Variants in PLOD3 observed in about 807,000 individuals in gnomAD.
PLOD3 encodes the protein procollagen-lysine,2-oxoglutarate 5-dioxygenase 3, also known as multifunctional procollagen lysine hydroxylase and glycosyltransferase LH3.
In PLOD3, 73 loss-of-function variants were observed where a neutral mutation model predicts 96.9. The observed-to-expected ratio is 0.75, with a 90% CI of 0.62 to 0.92. The LOEUF is 0.92. Ranked by LOEUF, PLOD3 falls within the 40% of genes least tolerant of loss-of-function variation. The pLI is 0.00. For missense variants in PLOD3, 1,004 were observed against 1,004.3 expected (o/e 1.00, Z 0.00); for synonymous variants, 454 against 413.7 (o/e 1.10, Z -1.18).
At position 101,207,649 on chromosome 7, in the gene PLOD3, G is replaced by A. The variant is rs773815193; in HGVS notation, c.1864C>T (p.Gln622Ter). 3 of 1,613,880 alleles carry A rather than the reference G, an allele frequency of 1.9e-6. No individual in the cohort carries two copies. Among genetic ancestry groups the A allele is most frequent in the Non-Finnish European group, 2.5e-6 (3 of 1,179,948 alleles). The change falls in exon 17 of 19, where the codon CAG (glutamine) becomes TAG (stop). Residue 622 changes from glutamine (Q) to a stop codon, truncating the protein, a stop_gained. Transcript: ENST00000223127. LOFTEE classifies it high-confidence loss of function. The stretch of plus-strand genomic sequence containing the variant: ...TACGTCCGCAGCAGCTGCAGCCACT[G>A]GTCCTCGTACCCCACCTGCTTCATG... ...IHMKQVGYEDQWLQLLRTYVG... is the reference protein window; with the variant it reads ...IHMKQVGYED
rs959386810 is a variant in PLOD3, at chr7:101,209,779, G to A, written c.1683+314C>T. 7 of 292,732 alleles carry A rather than the reference G, an allele frequency of 2.4e-5. No individual in the cohort carries two copies. In the East Asian group the frequency reaches 3.9e-4, roughly 16 times the overall value. The allele number at this position is 292,732 out of a possible 1,614,324, so 18.1% of individuals were successfully genotyped here. On this transcript the variant is annotated intron_variant, in intron 15 of 18. Coordinates refer to ENST00000223127, the MANE Select transcript of PLOD3 (RefSeq NM_001084.5). Reference sequence around the variant, plus strand: ...TGGTCTTGGACTTCTGGCCTCAACCGATCCACCCACCTTGGCCTCCCAAAG... The same window carrying A: ...TGGTCTTGGACTTCTGGCCTCAACCAATCCACCCACCTTGGCCTCCCAAAG...
intron 8 of PLOD3, 92 bp downstream of exon 8, chr7:101,212,750 G>A: frequency 1.9e-6 from 3 of 1,584,866 alleles, no homozygotes; most frequent in East Asian, 4.5e-5. Context: ...GGACCCAGGA[G>A]CGATGCCCCC....
rs754548465 is a variant in PLOD3, at chr7:101,212,255, G to A, written c.1125C>T (p.Ala375=). The part of the protein sequence containing the change: ...ALSPGEARDM[A]MDLCRQDPEC... ...CCTCCCCGCAAGCACCCGCTCACAT[G>A]GCCATGTCCCTGGCCTCGCCTGGGC... The change falls in exon 10 of 19, where the codon GCC becomes GCT. Residue 375 remains alanine (A), a splice_region_variant and synonymous_variant. Coordinates refer to ENST00000223127, the MANE Select transcript of PLOD3 (RefSeq NM_001084.5). The A allele has an allele frequency of 6.2e-7, 1 of 1,612,712 alleles. No homozygotes were observed.
At chr7:101,209,953 C>T (rs369015913) in intron 15 of PLOD3, 140 bp downstream of exon 15, 41 of 605,488 alleles carry the variant, frequency 6.8e-5, no homozygotes, top group South Asian at 3.8e-4. Flanking sequence ...TTCTGTTCGG[C>T]CTCTGCCTTC....
In PLOD3 at chr7:101,212,337, G is replaced by C. The variant is rs780555355; in HGVS notation, c.1043C>G (p.Pro348Arg). ...AGCTGAGAAGTGGTCCTGGAGCTGC[G>C]GCCAGGAGTCAGCGATGTGGGGTTC... The part of the protein sequence containing the change: ...FHEPHIADSW[P>R]QLQDHFSAVK... Residue 348 changes from proline to arginine, a missense_variant, in exon 10 of 19, where the codon CCG (proline) becomes CGG (arginine). Around this residue, in one of 5 missense-constraint regions of PLOD3, gnomAD observed 690 missense variants for 650.2 expected, o/e 1.06. Transcript: ENST00000223127. 2 of 1,613,490 alleles carry C rather than the reference G, an allele frequency of 1.2e-6. No homozygotes were observed. Among genetic ancestry groups the C allele is most frequent in the Non-Finnish European group, 1.7e-6 (2 of 1,179,722 alleles).
chr7:101,212,533 G>T lies in PLOD3; in HGVS notation c.1002C>A (p.Asn334Lys), dbSNP rs1798201266. Residue 334 changes from asparagine to lysine, a missense_variant, in exon 9 of 19, where the codon AAC becomes AAA. Physicochemically the swap from Asn to Lys is moderately conservative, Grantham distance 94. Coordinates refer to ENST00000223127, the MANE Select transcript of PLOD3 (RefSeq NM_001084.5). ...PPDRVTLFLH[N>K]NEVFHEPHIA... ...GGCTCCAACAGGGGAGTCTCACGTT[G>T]TTGTGCAGGAAAAGGGTGACCCTGT... 5 of 1,613,794 alleles carry T rather than the reference G, an allele frequency of 3.1e-6. No individual in the cohort carries two copies. The highest frequency in any genetic ancestry group is 4.2e-6 in the Non-Finnish European group (5 of 1,179,868).
chr7:101,208,883 G>A lies in PLOD3; in HGVS notation c.1758C>T (p.His586=), dbSNP rs1265536130. The change falls in exon 16 of 19, where the codon CAC becomes CAT. Residue 586 remains histidine (H), a synonymous_variant. Transcript: ENST00000223127. ...GCCGGCCGCCTGACCACTGGCCGTA[G>A]TGCTCCATCTCTGCCACCAGCTCAT... ...MCDELVAEME[H]YGQWSGGRHE... is the part of the protein sequence containing the mutation. 3 of 1,613,806 alleles carry A rather than the reference G, an allele frequency of 1.9e-6. No homozygotes were observed. Among genetic ancestry groups the A allele is most frequent in the East Asian group, 2.2e-5 (1 of 44,880 alleles).
chr7:101,211,729 G>C lies in PLOD3; in HGVS notation c.1233-13C>G, dbSNP rs762101725. On this transcript the variant is annotated splice_polypyrimidine_tract_variant and intron_variant, in intron 11 of 18. Coordinates refer to ENST00000223127, the MANE Select transcript of PLOD3 (RefSeq NM_001084.5). ...GGCGATCACCTTCCTGCGGACAGGT[G>C]GGGGTGAGGGCTGGGCAGACGGGAG... 9 of 1,600,650 alleles carry C rather than the reference G, an allele frequency of 5.6e-6. No individual in the cohort carries two copies. The highest frequency in any genetic ancestry group is 3.5e-5 in the Admixed American group (2 of 57,446).
In PLOD3 at chr7:101,212,418, G is replaced by A. The variant is rs374661873; in HGVS notation, c.1006-44C>T. 1.7e-4 allele frequency: 267 copies of A among 1,605,792 alleles called. 1 individual carries two copies. Among genetic ancestry groups the A allele is most frequent in the Non-Finnish European group, 2.0e-4 (238 of 1,173,654 alleles). ...GGGGGATGGGCTCAGAGGGCAGGGA[G>A]GCGGCACCTGAGGGATGGGGGTGCA... On this transcript the variant is annotated intron_variant, in intron 9 of 18. Coordinates refer to ENST00000223127, the MANE Select transcript of PLOD3 (RefSeq NM_001084.5).
intron 5 of PLOD3, among the ~76,000 whole-genome samples, chr7:101,215,369 C>A (rs943992968): frequency 2.0e-5 from 3 of 152,202 alleles, no homozygotes; most frequent in Non-Finnish European, 4.4e-5. Flanking sequence ...AGTGTCACCA[C>A]GCCTGGCTAA....
rs1045161117 is a variant in PLOD3 at position 101,216,093 on chromosome 7, C to G, written c.502+70G>C. Reference sequence around the variant, plus strand: ...GCCTGTCCCCCAGGCTGTCTCCAGCCCTCAGGCGCCTTTAACACTCTGTGT... The same window carrying G: ...GCCTGTCCCCCAGGCTGTCTCCAGCGCTCAGGCGCCTTTAACACTCTGTGT... On this transcript the variant is annotated intron_variant, in intron 4 of 18. Transcript: ENST00000223127. 3.5e-5 allele frequency: 56 copies of G among 1,609,846 alleles called. No homozygotes were observed. The African/African-American group carries it at 6.4e-4, about 18-fold the overall frequency.
In PLOD3 at chr7:101,206,880, C is replaced by A. The variant is rs753836252; in HGVS notation, c.1960G>T (p.Val654Phe). The A allele has an allele frequency of 1.2e-5, 18 of 1,559,846 alleles. No individual in the cohort carries two copies. In the South Asian group the frequency reaches 2.0e-4, roughly 17 times the overall value. The change falls in exon 18 of 19, where the codon GTT becomes TTT. Residue 654 changes from valine (V) to phenylalanine (F), a missense_variant. Val to Phe is a conservative substitution (Grantham distance 50). Coordinates refer to ENST00000223127, the MANE Select transcript of PLOD3 (RefSeq NM_001084.5). ...GGCTGCTCGTCTGGCCGGTAGCGAA[C>A]CACAAAGTTCATCACCGCCCGCGCC... Reference protein sequence around the residue: ...TKARAVMNFVVRYRPDEQPSL... With the variant: ...TKARAVMNFVFRYRPDEQPSL...
Position 101,216,031 on chromosome 7 carries a change from G to A in PLOD3, c.503-11C>T, listed in dbSNP as rs769006032. 2.0e-5 allele frequency: 33 copies of A among 1,611,796 alleles called. 1 individual carries two copies. In the Admixed American group the frequency reaches 4.5e-4, roughly 22 times the overall value. ...CAAAACCGATGAATCCTGGCGGGGA[G>A]GGGGAGTGTTGACCTCGAGACTCCC... On this transcript the variant is annotated splice_polypyrimidine_tract_variant and intron_variant, in intron 4 of 18. Coordinates refer to ENST00000223127, the MANE Select transcript of PLOD3 (RefSeq NM_001084.5).
At chr7:101,212,088 C>T in intron 10 of PLOD3, 138 bp from the exon 11 acceptor site, 1 of 1,069,290 alleles carries the variant, frequency 9.4e-7, no homozygotes, top group Non-Finnish European at 1.4e-6. Context: ...TCTGGGTGAG[C>T]TGGCAAGGGC....
chr7:101,209,283 T>C (rs976554837), intron 15 of PLOD3, among the ~76,000 whole-genome samples: 1 of 151,544 alleles, frequency 6.6e-6, no homozygotes, highest in African/African-American at 2.4e-5. Context: ...CATAGCTCAC[T>C]ACAGCCTCGA....
intron 15 of PLOD3, among the ~76,000 whole-genome samples, chr7:101,209,607 G>A (rs1443197256): frequency 6.8e-6 from 1 of 147,810 alleles, no homozygotes; most frequent in African/African-American, 2.5e-5. Context: ...GGCCAGGCTG[G>A]TCTCGAACTC....
chr7:101,208,835 C>A lies in PLOD3; in HGVS notation c.1788+18G>T. ...CCTCCTCTGGGAAGGCCTCTGCCCT[C>A]CTCGCCCAGGCCCTTACCTCATGCC... On this transcript the variant is annotated intron_variant, in intron 16 of 18. Coordinates refer to ENST00000223127, the MANE Select transcript of PLOD3 (RefSeq NM_001084.5). The A allele has an allele frequency of 3.3e-6, 5 of 1,529,686 alleles. No homozygotes were observed. Among genetic ancestry groups the A allele is most frequent in the Non-Finnish European group, 4.5e-6 (5 of 1,103,232 alleles). 94.8% of individuals were successfully genotyped at this position (1,529,686 alleles called of 1,614,324 possible). A position where few individuals can be genotyped will look rare whatever the true frequency, so the allele number is the denominator to read the frequency against.
At chr7:101,216,928 C>T in intron 1 of PLOD3, 142 bp from the exon 2 acceptor site, 1 of 771,048 alleles carries the variant, frequency 1.3e-6, no homozygotes, top group South Asian at 1.5e-5. Flanking sequence ...CACTCTGACC[C>T]CAAGGAGGGC....
chr7:101,212,555 C>T lies in PLOD3; in HGVS notation c.980G>A (p.Arg327Lys), dbSNP rs749345313. Residue 327 changes from arginine to lysine, a missense_variant, in exon 9 of 19, where the codon AGG becomes AAG. Physicochemically the swap from Arg to Lys is conservative, Grantham distance 26 (BLOSUM62 2). Around this residue, in one of 5 missense-constraint regions of PLOD3, gnomAD observed 690 missense variants for 650.2 expected, o/e 1.06. Transcript: ENST00000223127. ...GTTGTTGTGCAGGAAAAGGGTGACC[C>T]TGTCGGGGGGATAGTCCAGGAGTAG... is the stretch of plus-strand genomic sequence containing the variant. The part of the protein sequence containing the change: ...RLLLLDYPPD[R>K]VTLFLHNNEV... 1 of 1,613,714 alleles carries T rather than the reference C, an allele frequency of 6.2e-7. No homozygotes were observed.
Sources: gnomAD v4.1 joint callset for allele counts (sites outside exome capture counted in the v4.1 genomes callset) on GRCh38, gnomAD v4.1.1 for gene constraint, gnomAD v4.1.1 regional missense constraint, MANE v1.5 for transcripts, NCBI Gene and HGNC (gene_info 2026-07-23, HGNC 2026-07-21) for gene names.